CEP83: variants seen among roughly 807,000 people sequenced by gnomAD.
The protein encoded by CEP83 is centrosomal protein of 83 kDa.
A neutral mutation model predicts 101.9 loss-of-function variants in CEP83; 70 were observed. The ratio of observed to expected loss-of-function variants is 0.69; its 90% CI spans 0.57 to 0.84. The LOEUF (loss-of-function observed/expected upper bound fraction) is 0.84. Ranked by LOEUF, CEP83 falls within the 40% of genes least tolerant of loss-of-function variation. The pLI is 0.00. For missense variants in CEP83, 715 were observed against 787.2 expected, an observed-to-expected ratio of 0.91 and a Z score of 1.10; for synonymous variants, 264 against 267.9, an observed-to-expected ratio of 0.99 and a Z score of 0.14.
intron 11 of CEP83, among the ~76,000 whole-genome samples, chr12:94,351,748 G>A (rs1391984143): frequency 6.6e-6 from 1 of 152,062 alleles, no homozygotes; most frequent in Non-Finnish European, 1.5e-5. Flanking sequence ...CCAATGATGG[G>A]CCCATATGGC....
At position 94,323,676 on chromosome 12, in the gene CEP83, C is replaced by A. The variant is rs528302388; in HGVS notation, c.1707+8024G>T. Among the ~76,000 whole-genome samples, 26 of 152,300 alleles carry A rather than the reference C, an allele frequency of 1.7e-4. No homozygotes were observed. The South Asian group carries it at 4.8e-3, about 28-fold the overall frequency. The stretch of plus-strand genomic sequence containing the variant: ...GGCCATCTTGACCAGCCTCCCCCTC[C>A]ATTTCTTTTTCTTGCCTTATTACAC... On this transcript the variant is annotated intron_variant, in intron 14 of 16. Transcript: ENST00000397809.
rs1457385577 is a variant in CEP83 at position 94,307,987 on chromosome 12, TG to T, written c.*825del. ...ATTCCAGCAGAATTCCTCTAAAAGA[TG>T]TCACATTAAAAAGGCTTCCAATGGG... On this transcript the variant is annotated 3_prime_UTR_variant, in exon 17 of 17. Transcript: ENST00000397809. 6.6e-6 allele frequency: 1 copy of T among 152,130 alleles called. No homozygotes were observed. The highest frequency in any genetic ancestry group is 1.5e-5 in the Non-Finnish European group (1 of 68,014). 9.4% of individuals were successfully genotyped at this position (152,130 alleles called of 1,614,324 possible).
chr12:94,279,359 C>A, the CEP83 span: 1 of 767,430 alleles, frequency 1.3e-6, no homozygotes, highest in African/African-American at 1.8e-5. Flanking sequence ...ACAGTGTTTG[C>A]TAATGTGCTG....
chr12:94,361,083 A>G (rs2060730200), intron 11 of CEP83: 1 of 152,206 alleles, frequency 6.6e-6, no homozygotes, highest in Non-Finnish European at 1.5e-5. Context: ...TCCATCTCTC[A>G]TCATATATAA....
chr12:94,418,462 A>C (rs767903345), intron 2 of CEP83, among the ~76,000 whole-genome samples: 3 of 152,210 alleles, frequency 2.0e-5, no homozygotes, highest in Non-Finnish European at 4.4e-5. Context: ...CACTGGGAAG[A>C]TACAACTACA....
At position 94,308,488 on chromosome 12, in the gene CEP83, A is replaced by C; in HGVS notation, c.*325T>G. On this transcript the variant is annotated 3_prime_UTR_variant, in exon 17 of 17. Transcript: ENST00000397809. ...GATGAAGAGAGAATTAATGATAGTT[A>C]TATTTCACTCAAAATGCCAAAAAAA... 1 of 202,134 alleles carries C rather than the reference A, an allele frequency of 4.9e-6. No individual in the cohort carries two copies. The allele number at this position is 202,134 out of a possible 1,614,324, so 12.5% of individuals were successfully genotyped here.
chr12:94,292,805 C>T, the CEP83 span, among the ~76,000 whole-genome samples: 2 of 152,210 alleles, frequency 1.3e-5, no homozygotes, highest in South Asian at 4.1e-4. Flanking sequence ...TGTGGCACCA[C>T]GTTAGCACCC....
intron 14 of CEP83, among the ~76,000 whole-genome samples, chr12:94,324,861 C>A (rs2136412063): frequency 6.6e-6 from 1 of 152,304 alleles, no homozygotes; most frequent in Non-Finnish European, 1.5e-5. Flanking sequence ...TCAGATATCA[C>A]TTCTCAATTC....
the CEP83 span, among the ~76,000 whole-genome samples, chr12:94,289,786 A>C: frequency 6.6e-6 from 1 of 152,238 alleles, no homozygotes; most frequent in African/African-American, 2.4e-5. Context: ...AAAGTGTCAC[A>C]TGGGGGAAAT....
intron 3 of CEP83, 42 bp downstream of exon 3, chr12:94,412,276 C>G: frequency 6.6e-7 from 1 of 1,515,812 alleles, no homozygotes; most frequent in Non-Finnish European, 8.9e-7. Context: ...ATGCCAATAA[C>G]TTTTTAAAAC....
At chr12:94,270,624 A>G in the CEP83 span, among the ~76,000 whole-genome samples, 1 of 151,904 alleles carries the variant, frequency 6.6e-6, no homozygotes, top group Non-Finnish European at 1.5e-5. Flanking sequence ...AAATACTGTG[A>G]ATACTAAAAT....
downstream of CEP83, chr12:94,304,211 CT>C (rs1333216208): frequency 9.1e-6 from 5 of 552,022 alleles, no homozygotes; most frequent in East Asian, 1.5e-4. Flanking sequence ...GAGCCAGACC[CT>C]GTACATGGCT....
chr12:94,409,556 G>A (rs778731211), intron 4 of CEP83, among the ~76,000 whole-genome samples: 1 of 152,224 alleles, frequency 6.6e-6, no homozygotes, highest in Non-Finnish European at 1.5e-5. Flanking sequence ...AAAATGAAGA[G>A]AGTCCTGTCT....
At chr12:94,366,772 C>T (rs1197386395) in intron 11 of CEP83, among the ~76,000 whole-genome samples, 2 of 151,976 alleles carry the variant, frequency 1.3e-5, no homozygotes, top group Non-Finnish European at 2.9e-5. Context: ...AATCAAAGCA[C>T]CTCAGATAAA....
chr12:94,393,997 A>G (rs1299734485), intron 6 of CEP83, among the ~76,000 whole-genome samples: 1 of 152,250 alleles, frequency 6.6e-6, no homozygotes, highest in African/African-American at 2.4e-5. Flanking sequence ...ATGGAAAAAC[A>G]TTCCATGCTT....
intron 1 of CEP83, among the ~76,000 whole-genome samples, chr12:94,444,173 C>T (rs2066628533): frequency 6.6e-6 from 1 of 152,008 alleles, no homozygotes; most frequent in Non-Finnish European, 1.5e-5. Flanking sequence ...CCGAGGTGGG[C>T]AGATCACCTG....
chr12:94,361,704 A>G (rs1444615792), intron 11 of CEP83, among the ~76,000 whole-genome samples: 1 of 151,678 alleles, frequency 6.6e-6, no homozygotes, highest in East Asian at 1.9e-4. Context: ...CCTGCAAACT[A>G]ATTTTTTTTT....
intron 6 of CEP83, among the ~76,000 whole-genome samples, chr12:94,394,461 T>TA (rs2062757797): frequency 1.3e-5 from 2 of 152,230 alleles, no homozygotes; most frequent in East Asian, 3.9e-4. Context: ...TTACACCTTG[T>TA]AAAAAAATTA....
intron 2 of CEP83, chr12:94,424,598 G>T (rs1379883752): frequency 6.2e-7 from 1 of 1,613,290 alleles, no homozygotes; most frequent in Non-Finnish European, 8.5e-7. Context: ...TACCATCTGT[G>T]CCTGTACACC....
Sources: allele counts gnomAD v4.1 joint callset (sites outside exome capture counted in the v4.1 genomes callset), GRCh38; gene constraint gnomAD v4.1.1; transcripts MANE v1.5; gene names NCBI Gene and HGNC (gene_info 2026-07-23, HGNC 2026-07-21).